The following RFX4 variants were observed in gnomAD, a reference collection of about 807,000 sequenced individuals.
The protein encoded by RFX4 is transcription factor RFX4.
A neutral mutation model predicts 95.0 loss-of-function variants in RFX4; 10 were observed. The ratio of observed to expected loss-of-function variants is 0.11; its 90% CI spans 0.06 to 0.18. The LOEUF is 0.18. RFX4 is among the 10% of genes least tolerant of loss of function. The probability of loss-of-function intolerance (pLI) is 1.00; values close to 1 mark genes in which losing one functional copy is unlikely to be tolerated. For synonymous variants in RFX4, 321 were observed against 340.7 expected (o/e 0.94, Z 0.64); for missense variants, 640 against 922.0 (o/e 0.69, Z 3.96).
At chr12:106,756,050 T>C (rs2043102459) in intron 17 of RFX4, among the ~76,000 whole-genome samples, 2 of 152,242 alleles carry the variant, frequency 1.3e-5, no homozygotes, top group South Asian at 4.1e-4. Flanking sequence ...CAATATATAC[T>C]TTCTTCCTGG....
chr12:106,722,250 A>G (rs1592981631), intron 13 of RFX4, among the ~76,000 whole-genome samples: 1 of 152,260 alleles, frequency 6.6e-6, no homozygotes, highest in African/African-American at 2.4e-5. Flanking sequence ...CATTGCTTCC[A>G]AGTCAGAGAA....
chr12:106,600,060 C>T (rs1043742216), intron 1 of RFX4, among the ~76,000 whole-genome samples: 2 of 152,272 alleles, frequency 1.3e-5, no homozygotes, highest in South Asian at 4.2e-4. Context: ...ACAATCTAGA[C>T]TCCTTAACCC....
chr12:106,714,403 T>C (rs2042250467), intron 10 of RFX4, among the ~76,000 whole-genome samples: 1 of 152,252 alleles, frequency 6.6e-6, no homozygotes, highest in South Asian at 2.1e-4. Flanking sequence ...TACACCTTTG[T>C]GACCTTTAAA....
At chr12:106,709,490 T>C in intron 9 of RFX4, 60 bp downstream of exon 9, 2 of 1,338,372 alleles carry the variant, frequency 1.5e-6, no homozygotes, top group South Asian at 1.3e-5. Context: ...CCAAATATTT[T>C]ACATAAGTTG....
chr12:106,614,477 CTGTGTGTGTGTGTGTGTGTG>C lies in RFX4; in HGVS notation c.130+5618_130+5637del, dbSNP rs34226201. ...CCCGGCCCTTCTTCACGTCTTTTGCCTGTGTGTGTGTGTGTGTGTGTGTGTGTGTGTGTGTGTGTGTGTTT... is the reference window on the plus strand; with the variant it reads ...CCCGGCCCTTCTTCACGTCTTTTGCCTGTGTGTGTGTGTGTGTGTGTGTTT... On this transcript the variant is annotated intron_variant, in intron 2 of 17. Coordinates refer to ENST00000392842, the MANE Select transcript of RFX4 (RefSeq NM_213594.3). Among the ~76,000 whole-genome samples the C allele has an allele frequency of 1.9e-3, 238 of 127,856 alleles. 1 individual carries two copies. Among genetic ancestry groups the C allele is most frequent in the African/African-American group, 6.8e-3 (231 of 34,016 alleles). The allele number at this position is 127,856 out of a possible 152,430, so 83.9% of individuals were successfully genotyped here.
intron 11 of RFX4, among the ~76,000 whole-genome samples, chr12:106,717,756 T>C (rs2042321394): frequency 6.6e-6 from 1 of 152,214 alleles, no homozygotes; most frequent in East Asian, 1.9e-4. Context: ...TGTCATGTAA[T>C]ACAGTGCTGT....
At chr12:106,647,149 G>A (rs1293590544) in intron 3 of RFX4, among the ~76,000 whole-genome samples, 2 of 152,176 alleles carry the variant, frequency 1.3e-5, no homozygotes, top group African/African-American at 4.8e-5. Context: ...GCTGGGGCAA[G>A]AGTAGCATCT....
intron 4 of RFX4, among the ~76,000 whole-genome samples, chr12:106,656,895 G>A (rs967840015): frequency 3.3e-5 from 5 of 152,072 alleles, no homozygotes; most frequent in South Asian, 2.1e-4. Context: ...AAAAACATCC[G>A]AACTCCATCT....
At chr12:106,603,887 C>A (rs2039765358) in intron 1 of RFX4, among the ~76,000 whole-genome samples, 1 of 152,106 alleles carries the variant, frequency 6.6e-6, no homozygotes, top group Non-Finnish European at 1.5e-5. Context: ...TTCTATGGTA[C>A]CTGCCACACA....
intron 3 of RFX4, among the ~76,000 whole-genome samples, chr12:106,641,902 G>T (rs1053680691): frequency 3.9e-5 from 6 of 151,922 alleles, no homozygotes; most frequent in African/African-American, 7.3e-5. Context: ...CCAAGAAGAG[G>T]AGCTGATGAC....
intron 2 of RFX4, among the ~76,000 whole-genome samples, chr12:106,631,408 T>C (rs1298832967): frequency 6.6e-6 from 1 of 152,218 alleles, no homozygotes; most frequent in East Asian, 1.9e-4. Context: ...GCAGACCCAG[T>C]GGTCAGTGCT....
intron 6 of RFX4, 133 bp from the exon 7 acceptor site, chr12:106,689,154 T>C: frequency 1.3e-6 from 1 of 773,800 alleles, no homozygotes; most frequent in Non-Finnish European, 2.3e-6. Context: ...CTGGGTCTGG[T>C]AGGCTGAGCC....
At chr12:106,627,140 G>T (rs137940068) in intron 2 of RFX4, among the ~76,000 whole-genome samples, 1 of 152,216 alleles carries the variant, frequency 6.6e-6, no homozygotes, top group Non-Finnish European at 1.5e-5. Flanking sequence ...AGTGGGGACA[G>T]AGGATATCTA....
At chr12:106,734,809 C>T (rs1336479419) in intron 15 of RFX4, among the ~76,000 whole-genome samples, 1 of 151,704 alleles carries the variant, frequency 6.6e-6, no homozygotes, top group Non-Finnish European at 1.5e-5. Context: ...CCCTGTAATC[C>T]CAACACTTTG....
In RFX4 at chr12:106,738,778, A is replaced by G. The variant is rs1165135700; in HGVS notation, c.1633+5693A>G. On this transcript the variant is annotated intron_variant, in intron 15 of 17. Coordinates refer to ENST00000392842, the MANE Select transcript of RFX4 (RefSeq NM_213594.3). ...TCATGGTCTTGGAGAAAAGAAACCC[A>G]ATTTCCTAACAACATGTATGATTAT... Among the ~76,000 whole-genome samples, 22 of 152,312 alleles carry G rather than the reference A, an allele frequency of 1.4e-4. No individual in the cohort carries two copies. The East Asian group carries it at 4.2e-3, about 29-fold the overall frequency.
At chr12:106,624,754 TACCAAC>T (rs2040257319) in intron 2 of RFX4, among the ~76,000 whole-genome samples, 1 of 152,220 alleles carries the variant, frequency 6.6e-6, no homozygotes, top group African/African-American at 2.4e-5. Flanking sequence ...AGAAAAAGCT[TACCAAC>T]TCTTGGTTAG....
At chr12:106,755,966 G>A (rs777930348) in intron 17 of RFX4, among the ~76,000 whole-genome samples, 1 of 152,198 alleles carries the variant, frequency 6.6e-6, no homozygotes, top group Non-Finnish European at 1.5e-5. Context: ...GCATTTATAT[G>A]CTCAAAATAA....
Position 106,762,482 on chromosome 12 carries a change from ATGTAT to A in RFX4, c.*1018_*1022del, listed in dbSNP as rs1420048981. ...ATACTGTGTATGTGTGGAAATAAAA[ATGTAT>A]TGTACTTTTGGAGAATTTTTTGTAG... On this transcript the variant is annotated 3_prime_UTR_variant, in exon 18 of 18. Coordinates refer to ENST00000392842, the MANE Select transcript of RFX4 (RefSeq NM_213594.3). 24 of 152,726 alleles carry A rather than the reference ATGTAT, an allele frequency of 1.6e-4. No homozygotes were observed. In the East Asian group the frequency reaches 4.2e-3, roughly 27 times the overall value. 9.5% of individuals were successfully genotyped at this position (152,726 alleles called of 1,614,324 possible).
At chr12:106,729,606 C>T (rs2042571920) in intron 13 of RFX4, among the ~76,000 whole-genome samples, 1 of 152,198 alleles carries the variant, frequency 6.6e-6, no homozygotes, top group Non-Finnish European at 1.5e-5. Context: ...GCCTCACTTT[C>T]TTCCTTTGTA....
Sources: allele counts gnomAD v4.1 joint callset (sites outside exome capture counted in the v4.1 genomes callset), GRCh38; gene constraint gnomAD v4.1.1; transcripts MANE v1.5; gene names NCBI Gene and HGNC (gene_info 2026-07-23, HGNC 2026-07-21).